LRRC37A: variants seen among roughly 807,000 people sequenced by gnomAD.
LRRC37A encodes leucine-rich repeat-containing protein 37A.
Under a neutral mutation model 35.4 loss-of-function variants are expected in LRRC37A, and 3 were observed. The ratio of observed to expected loss-of-function variants is 0.08; its 90% CI spans 0.04 to 0.22. The LOEUF (loss-of-function observed/expected upper bound fraction) is 0.22, where lower values mean the gene tolerates loss of function less well. Ranked by LOEUF, LRRC37A falls within the 10% of genes least tolerant of loss-of-function variation. The pLI, the probability that LRRC37A is intolerant of heterozygous loss-of-function variation, is 1.00. For missense variants in LRRC37A, 67 were observed against 565.3 expected, an observed-to-expected ratio of 0.12 and a Z score of 8.94; for synonymous variants, 23 against 215.0, an observed-to-expected ratio of 0.11 and a Z score of 7.81.
chr17:46,265,342 T>A, the LRRC37A span, among the ~76,000 whole-genome samples: 1 of 115,136 alleles, frequency 8.7e-6, no homozygotes, highest in African/African-American at 2.6e-5. Context: ...CTCCTCTTCT[T>A]CTTCTTCTTC....
chr17:46,267,076 G>C, the LRRC37A span: 1 of 333,588 alleles, frequency 3.0e-6, no homozygotes. Flanking sequence ...GGGACGCGGA[G>C]CCCGGCGCCG....
At chr17:46,317,133 T>TC (rs1483781791) in intron 5 of LRRC37A, among the ~76,000 whole-genome samples, 7 of 89,132 alleles carry the variant, frequency 7.9e-5, no homozygotes, top group Admixed American at 1.2e-4. Context: ...TGGGTACACC[T>TC]CCCAGATGGG....
upstream of LRRC37A, among the ~76,000 whole-genome samples, chr17:46,291,680 G>A (rs999756896): frequency 6.6e-6 from 1 of 151,854 alleles, no homozygotes; most frequent in African/African-American, 2.4e-5. Flanking sequence ...CAGCACTTTG[G>A]GAAGTCGAGG....
chr17:46,253,083 C>G, the LRRC37A span, among the ~76,000 whole-genome samples: 5 of 144,568 alleles, frequency 3.5e-5, 1 homozygote, highest in Admixed American at 2.1e-4. Context: ...GGGCGGTTGC[C>G]GGGCGGAGGG....
chr17:46,272,290 T>G, the LRRC37A span, among the ~76,000 whole-genome samples: 1 of 152,268 alleles, frequency 6.6e-6, no homozygotes, highest in African/African-American at 2.4e-5. Context: ...TACAGTTTAC[T>G]GCCTGGATTA....
the LRRC37A span, among the ~76,000 whole-genome samples, chr17:46,265,511 C>T: frequency 8.2e-6 from 1 of 121,528 alleles, no homozygotes; most frequent in Non-Finnish European, 2.1e-5. Flanking sequence ...GAGACAGGGT[C>T]TCCGTCACCC....
In LRRC37A at chr17:46,335,526, G is replaced by A. The variant is rs1296477783; in HGVS notation, c.4810-19G>A. 1 of 179,284 alleles carries A rather than the reference G, an allele frequency of 5.6e-6. No homozygotes were observed. Among genetic ancestry groups the A allele is most frequent in the East Asian group, 3.1e-5 (1 of 32,700 alleles). The allele number at this position is 179,284 out of a possible 1,614,324, so 11.1% of individuals were successfully genotyped here. ...GTTGTTGTCATAGATAATCTTAATT[G>A]CGTTTTCTTCTAAAACAGATATGTT... On this transcript the variant is annotated intron_variant, in intron 10 of 13. Transcript: ENST00000320254.
the LRRC37A span, among the ~76,000 whole-genome samples, chr17:46,258,410 C>T: frequency 6.6e-6 from 1 of 152,146 alleles, no homozygotes; most frequent in Non-Finnish European, 1.5e-5. Context: ...GGGGTTTTAC[C>T]ATGTTGGCCA....
At chr17:46,261,761 AGAAGAAAAAG>A in the LRRC37A span, among the ~76,000 whole-genome samples, 1 of 152,042 alleles carries the variant, frequency 6.6e-6, no homozygotes, top group Non-Finnish European at 1.5e-5. Context: ...AAGAAGAAGA[AGAAGAAAAAG>A]AAACAAGTAT....
the LRRC37A span, among the ~76,000 whole-genome samples, chr17:46,282,792 G>C: frequency 6.6e-6 from 1 of 152,206 alleles, no homozygotes; most frequent in East Asian, 1.9e-4. Flanking sequence ...CTACAGAAGA[G>C]AGAAAGCACC....
chr17:46,290,971 G>A (rs891084988), upstream of LRRC37A, among the ~76,000 whole-genome samples: 1 of 152,210 alleles, frequency 6.6e-6, no homozygotes, highest in African/African-American at 2.4e-5. Flanking sequence ...ACTACCTCAG[G>A]AAGCTTTTAA....
chr17:46,275,498 A>C, the LRRC37A span: 6 of 642,196 alleles, frequency 9.3e-6, no homozygotes, highest in African/African-American at 1.2e-4. Flanking sequence ...CAAAGTAAAT[A>C]AATCTGGAAG....
At chr17:46,269,212 C>A in the LRRC37A span, among the ~76,000 whole-genome samples, 1 of 152,174 alleles carries the variant, frequency 6.6e-6, no homozygotes, top group Middle Eastern at 3.2e-3. Flanking sequence ...AGGGTCAAAG[C>A]CCAGGACAAG....
At chr17:46,332,689 T>G in intron 10 of LRRC37A, 33 bp downstream of exon 10, 1 of 850,736 alleles carries the variant, frequency 1.2e-6, no homozygotes. Context: ...GTTTTCAGAA[T>G]GCAGTCCTGT....
chr17:46,250,149 T>C, the LRRC37A span, among the ~76,000 whole-genome samples: 1 of 152,206 alleles, frequency 6.6e-6, no homozygotes, highest in African/African-American at 2.4e-5. Context: ...CAGGTTGGTC[T>C]CAAACTCCTG....
At chr17:46,249,927 C>A in the LRRC37A span, among the ~76,000 whole-genome samples, 356 of 152,314 alleles carry the variant, frequency 2.3e-3, 2 homozygotes, top group African/African-American at 8.3e-3. Flanking sequence ...GCCTCAGCCT[C>A]CCGAGTAACT....
At chr17:46,275,908 T>G in the LRRC37A span, among the ~76,000 whole-genome samples, 1 of 152,172 alleles carries the variant, frequency 6.6e-6, no homozygotes, top group African/African-American at 2.4e-5. Context: ...TTTTTTTTTT[T>G]GAGACGAAGT....
upstream of LRRC37A, among the ~76,000 whole-genome samples, chr17:46,288,494 TGC>T (rs773702365): frequency 1.8e-4 from 27 of 151,956 alleles, no homozygotes; most frequent in Non-Finnish European, 2.9e-4. Context: ...TTTTTGGTTG[TGC>T]CACGTTGGCC....
At chr17:46,262,170 G>T in the LRRC37A span, among the ~76,000 whole-genome samples, 23 of 152,246 alleles carry the variant, frequency 1.5e-4, no homozygotes, top group African/African-American at 5.5e-4. Flanking sequence ...GGCTGGTCTT[G>T]AACTCCTGGC....
Sources: allele counts gnomAD v4.1 joint callset (sites outside exome capture counted in the v4.1 genomes callset), GRCh38; gene constraint gnomAD v4.1.1; transcripts MANE v1.5; gene names NCBI Gene and HGNC (gene_info 2026-07-23, HGNC 2026-07-21).